SPOCK3: variants seen among roughly 807,000 people sequenced by gnomAD.
The protein encoded by SPOCK3 is SPARC (osteonectin), cwcv and kazal like domains proteoglycan 3, also known as testican-3.
Under a neutral mutation model 56.6 loss-of-function variants are expected in SPOCK3, and 30 were observed. The observed-to-expected ratio is 0.53, with a 90% CI of 0.40 to 0.72. The LOEUF (loss-of-function observed/expected upper bound fraction) is 0.72. Ranked by LOEUF, SPOCK3 falls within the 30% of genes least tolerant of loss-of-function variation. The pLI is 0.00. For missense variants in SPOCK3, 527 were observed against 530.0 expected (o/e 0.99, Z 0.06); for synonymous variants, 196 against 183.3 (o/e 1.07, Z -0.56).
At chr4:167,102,259 C>A (rs1184119379) in intron 2 of SPOCK3, among the ~76,000 whole-genome samples, 1 of 152,060 alleles carries the variant, frequency 6.6e-6, no homozygotes, top group Non-Finnish European at 1.5e-5. Context: ...GATCAGGCCT[C>A]AGTAGACAAC....
chr4:166,772,551 GAAGA>G (rs770005109), intron 7 of SPOCK3, among the ~76,000 whole-genome samples: 51 of 122,896 alleles, frequency 4.1e-4, no homozygotes, highest in African/African-American at 1.4e-3. Flanking sequence ...TATCAAATTA[GAAGA>G]AAGAGAGGAA....
chr4:166,933,257 C>A (rs1308462338), intron 4 of SPOCK3, among the ~76,000 whole-genome samples: 1 of 152,066 alleles, frequency 6.6e-6, no homozygotes, highest in African/African-American at 2.4e-5. Flanking sequence ...AATGAAATAA[C>A]CAAATAACCA....
At chr4:167,158,357 T>C (rs568501072) in intron 2 of SPOCK3, among the ~76,000 whole-genome samples, 76 of 152,094 alleles carry the variant, frequency 5.0e-4, no homozygotes, top group Non-Finnish European at 9.0e-4. Context: ...TTGAAAAATA[T>C]ATTAAAATGT....
chr4:167,228,812 C>A (rs1339541574), intron 2 of SPOCK3, among the ~76,000 whole-genome samples: 1 of 152,034 alleles, frequency 6.6e-6, no homozygotes, highest in African/African-American at 2.4e-5. Flanking sequence ...AGGTCAGTTG[C>A]CTCTCTCCAT....
chr4:167,086,926 A>G (rs1424862817), intron 2 of SPOCK3, among the ~76,000 whole-genome samples: 2 of 152,142 alleles, frequency 1.3e-5, no homozygotes, highest in East Asian at 1.9e-4. Context: ...TCAGAAATGG[A>G]TAAGTAAAGG....
intron 2 of SPOCK3, among the ~76,000 whole-genome samples, chr4:167,143,095 T>G (rs982334983): frequency 6.6e-6 from 1 of 152,052 alleles, no homozygotes; most frequent in Non-Finnish European, 1.5e-5. Context: ...AGACTTATTT[T>G]ATTTTATTAT....
At chr4:166,739,808 C>T (rs1383531299) in intron 9 of SPOCK3, among the ~76,000 whole-genome samples, 3 of 151,354 alleles carry the variant, frequency 2.0e-5, no homozygotes, top group Non-Finnish European at 4.4e-5. Flanking sequence ...AACCATATAA[C>T]ATCATAACTT....
intron 6 of SPOCK3, among the ~76,000 whole-genome samples, chr4:166,856,661 C>G (rs1238851627): frequency 6.6e-6 from 1 of 151,994 alleles, no homozygotes; most frequent in Non-Finnish European, 1.5e-5. Context: ...GTAGACCCAG[C>G]TACTCAGGGG....
chr4:167,054,567 G>C (rs62352387), intron 3 of SPOCK3, among the ~76,000 whole-genome samples: 2 of 152,184 alleles, frequency 1.3e-5, no homozygotes, highest in East Asian at 3.9e-4. Flanking sequence ...AGAAAAATCA[G>C]TGTGGAGATG....
chr4:166,767,612 A>C (rs911785537), intron 7 of SPOCK3, among the ~76,000 whole-genome samples: 12 of 152,082 alleles, frequency 7.9e-5, no homozygotes, highest in Non-Finnish European at 1.3e-4. Flanking sequence ...CTTCCAACTA[A>C]GTGGTGAATT....
At chr4:167,113,783 C>A (rs1419725940) in intron 2 of SPOCK3, among the ~76,000 whole-genome samples, 1 of 152,056 alleles carries the variant, frequency 6.6e-6, no homozygotes, top group African/African-American at 2.4e-5. Context: ...CGCACAAGGG[C>A]TATGGACAAA....
chr4:166,965,763 A>G (rs1744668629), intron 4 of SPOCK3, among the ~76,000 whole-genome samples: 2 of 152,124 alleles, frequency 1.3e-5, no homozygotes, highest in South Asian at 4.1e-4. Flanking sequence ...TTGCTGACTC[A>G]GCAAATGGAT....
intron 4 of SPOCK3, among the ~76,000 whole-genome samples, chr4:166,957,223 G>T (rs1007832056): frequency 2.6e-5 from 4 of 152,158 alleles, no homozygotes; most frequent in Admixed American, 2.0e-4. Flanking sequence ...CTGCACTCCC[G>T]CATGGGTGAC....
chr4:166,995,509 G>A (rs1748271005), intron 4 of SPOCK3, among the ~76,000 whole-genome samples: 1 of 151,838 alleles, frequency 6.6e-6, no homozygotes, highest in Non-Finnish European at 1.5e-5. Flanking sequence ...TGGAAAAAAT[G>A]TATATATAAA....
intron 5 of SPOCK3, among the ~76,000 whole-genome samples, chr4:166,906,649 G>T (rs1736648833): frequency 6.6e-6 from 1 of 151,796 alleles, no homozygotes; most frequent in African/African-American, 2.4e-5. Flanking sequence ...TATTTATCAT[G>T]CATAATATCT....
intron 2 of SPOCK3, among the ~76,000 whole-genome samples, chr4:167,228,724 G>T (rs1415595583): frequency 6.6e-6 from 1 of 152,136 alleles, no homozygotes; most frequent in African/African-American, 2.4e-5. Context: ...TCAGGATGCT[G>T]CCAGAGCCTA....
intron 2 of SPOCK3, among the ~76,000 whole-genome samples, chr4:167,107,772 A>G (rs1274287731): frequency 2.0e-5 from 3 of 152,002 alleles, no homozygotes; most frequent in South Asian, 4.1e-4. Flanking sequence ...TCAACATACA[A>G]AAATCAGTGG....
In SPOCK3 at chr4:166,951,114, A is replaced by G. The variant is rs551869140; in HGVS notation, c.351-38371T>C. On this transcript the variant is annotated intron_variant, in intron 4 of 10. Transcript: ENST00000357545. ...GCAGAACTGAAGGAAATAGAGACAC[A>G]AAAAACCCTTCAGAAAATTAATGAA... Among the ~76,000 whole-genome samples the G allele has an allele frequency of 2.8e-3, 398 of 144,328 alleles. 13 individuals carry two copies. The highest frequency in any genetic ancestry group is 0.027 in the South Asian group (126 of 4,636). 94.7% of individuals were successfully genotyped at this position (144,328 alleles called of 152,430 possible). A position where few individuals can be genotyped will look rare whatever the true frequency, so the allele number is the denominator to read the frequency against.
chr4:167,191,399 A>C (rs2110848152), intron 2 of SPOCK3, among the ~76,000 whole-genome samples: 1 of 145,868 alleles, frequency 6.9e-6, no homozygotes, highest in South Asian at 2.1e-4. Flanking sequence ...TAACAACATT[A>C]AAATCTTCCA....
Sources: allele counts gnomAD v4.1 joint callset (sites outside exome capture counted in the v4.1 genomes callset), GRCh38; gene constraint gnomAD v4.1.1; transcripts MANE v1.5; gene names NCBI Gene and HGNC (gene_info 2026-07-23, HGNC 2026-07-21).